IL17RD: variants seen among roughly 807,000 people sequenced by gnomAD.
IL17RD encodes the protein interleukin-17 receptor D.
IL17RD carries 52 observed loss-of-function variants against 80.5 expected under a neutral mutation model. That is an observed-to-expected ratio of 0.65 (90% CI 0.52 to 0.81). The LOEUF (loss-of-function observed/expected upper bound fraction) is 0.81, where lower values mean the gene tolerates loss of function less well. IL17RD is among the 40% of genes least tolerant of loss of function. The probability of loss-of-function intolerance (pLI) is 0.00; values close to 1 mark genes in which losing one functional copy is unlikely to be tolerated. For synonymous variants in IL17RD, 416 were observed against 391.8 expected, an observed-to-expected ratio of 1.06 and a Z score of -0.73; for missense variants, 1,024 against 955.1, an observed-to-expected ratio of 1.07 and a Z score of -0.95.
At chr3:57,125,831 G>A (rs1192477667) in intron 1 of IL17RD, among the ~76,000 whole-genome samples, 1 of 152,238 alleles carries the variant, frequency 6.6e-6, no homozygotes, top group Non-Finnish European at 1.5e-5. Flanking sequence ...TGAAGACAGA[G>A]TCGAGGAGGA....
At position 57,127,379 on chromosome 3, in the gene IL17RD, A is replaced by AT. The variant is rs1559477339; in HGVS notation, c.127-7067_127-7066insA. Among the ~76,000 whole-genome samples, 250 of 82,248 alleles carry AT rather than the reference A, an allele frequency of 3.0e-3. 24 individuals are homozygous for AT. In the South Asian group the frequency reaches 0.036, roughly 12 times the overall value. The allele number at this position is 82,248 out of a possible 152,430, so 54.0% of individuals were successfully genotyped here. A position where few individuals can be genotyped will look rare whatever the true frequency, so the allele number is the denominator to read the frequency against. ...ATATAAATATAAATATATATATATA[A>AT]ATAAATAAATAAATAAATATATATA... On this transcript the variant is annotated intron_variant, in intron 1 of 12. Coordinates refer to ENST00000296318, the MANE Select transcript of IL17RD (RefSeq NM_017563.5).
intron 7 of IL17RD, among the ~76,000 whole-genome samples, chr3:57,105,274 A>C (rs1473782042): frequency 6.6e-6 from 1 of 152,084 alleles, no homozygotes; most frequent in Non-Finnish European, 1.5e-5. Context: ...GTGGTGGCTC[A>C]GGCCTGTAAT....
At chr3:57,116,599 A>T (rs921438373) in intron 2 of IL17RD, among the ~76,000 whole-genome samples, 112 of 151,968 alleles carry the variant, frequency 7.4e-4, no homozygotes, top group Non-Finnish European at 2.4e-4. Context: ...TTTACATTTC[A>T]ATATTACTTC....
In IL17RD at chr3:57,102,555, C is replaced by A; in HGVS notation, c.903G>T (p.Val301=). ...TGACTACCAGTGGCACTGTGATGGC[C>A]ACGGCTCTGATGGGCCCGGCCCACG... The part of the protein sequence containing the change: ...HSPWAGPIRA[V]AITVPLVVIS... The change falls in exon 10 of 13, where the codon GTG becomes GTT. Residue 301 remains valine (V), a synonymous_variant. Transcript: ENST00000296318. The A allele has an allele frequency of 6.3e-7, 1 of 1,582,402 alleles. No homozygotes were observed. Among genetic ancestry groups the A allele is most frequent in the Non-Finnish European group, 8.6e-7 (1 of 1,156,104 alleles).
At position 57,096,226 on chromosome 3, in the gene IL17RD, T is replaced by C; in HGVS notation, c.*167A>G. On this transcript the variant is annotated 3_prime_UTR_variant, in exon 13 of 13. Transcript: ENST00000296318. ...GAAAATTGGAGAGTTTGTCAAGATA[T>C]CCGGTAAAGGGTTGGGGCAAGGGAG... 1 of 598,694 alleles carries C rather than the reference T, an allele frequency of 1.7e-6. No homozygotes were observed. The highest frequency in any genetic ancestry group is 3.1e-6 in the Non-Finnish European group (1 of 327,666). The allele number at this position is 598,694 out of a possible 1,614,324, so 37.1% of individuals were successfully genotyped here. A position where few individuals can be genotyped will look rare whatever the true frequency, so the allele number is the denominator to read the frequency against.
chr3:57,113,287 G>T (rs1368658099), intron 3 of IL17RD, among the ~76,000 whole-genome samples: 1 of 152,078 alleles, frequency 6.6e-6, no homozygotes, highest in Non-Finnish European at 1.5e-5. Flanking sequence ...GTCCAGGCTG[G>T]AGCGCAATGG....
rs1252831728 is a variant in IL17RD, at chr3:57,096,132, G to A, written c.*261C>T. ...CTCCCACAACAGGCTCTGATCCAAG[G>A]ACTAACCAAATTTGGCAAGCTGTTG... On this transcript the variant is annotated 3_prime_UTR_variant, in exon 13 of 13. Coordinates refer to ENST00000296318, the MANE Select transcript of IL17RD (RefSeq NM_017563.5). 2.2e-6 allele frequency: 1 copy of A among 463,320 alleles called. No homozygotes were observed. The highest frequency in any genetic ancestry group is 3.9e-6 in the Non-Finnish European group (1 of 254,304). The allele number at this position is 463,320 out of a possible 1,614,324, so 28.7% of individuals were successfully genotyped here. A position where few individuals can be genotyped will look rare whatever the true frequency, so the allele number is the denominator to read the frequency against.
At chr3:57,116,366 C>A (rs1400036858) in intron 2 of IL17RD, among the ~76,000 whole-genome samples, 3 of 149,896 alleles carry the variant, frequency 2.0e-5, no homozygotes, top group African/African-American at 7.4e-5. Context: ...TCATGGCAAC[C>A]TCTGCCTCCT....
At chr3:57,100,366 TCA>T (rs979268769) in intron 11 of IL17RD, among the ~76,000 whole-genome samples, 18 of 152,350 alleles carry the variant, frequency 1.2e-4, no homozygotes, top group African/African-American at 4.1e-4. Context: ...CAACTTCCAA[TCA>T]CACAGTTATT....
At chr3:57,103,508 G>C (rs766353486) in intron 8 of IL17RD, among the ~76,000 whole-genome samples, 1 of 152,184 alleles carries the variant, frequency 6.6e-6, no homozygotes, top group African/African-American at 2.4e-5. Flanking sequence ...TTAAGAAGGT[G>C]TATCAGTCAA....
chr3:57,112,876 A>G (rs1707130278), intron 3 of IL17RD, among the ~76,000 whole-genome samples: 1 of 152,210 alleles, frequency 6.6e-6, no homozygotes, highest in African/African-American at 2.4e-5. Context: ...GGCAGTGTCA[A>G]AGCGGCAGTC....
chr3:57,136,642 A>ACC, intron 1 of IL17RD, among the ~76,000 whole-genome samples: 1 of 50,430 alleles, frequency 2.0e-5, no homozygotes, highest in African/African-American at 1.7e-4. Context: ...ACCCCCACTC[A>ACC]AAAAAAAAAA....
intron 1 of IL17RD, among the ~76,000 whole-genome samples, chr3:57,146,301 C>A (rs1008355180): frequency 6.6e-6 from 1 of 152,140 alleles, no homozygotes; most frequent in Admixed American, 6.5e-5. Flanking sequence ...CTCTACTAAG[C>A]GACATTTCGC....
At chr3:57,105,042 A>G (rs1706922417) in intron 7 of IL17RD, among the ~76,000 whole-genome samples, 1 of 152,210 alleles carries the variant, frequency 6.6e-6, no homozygotes, top group Non-Finnish European at 1.5e-5. Flanking sequence ...CCACTGAGTT[A>G]TCAGTGGCTT....
rs79466678 is a variant in IL17RD, at chr3:57,115,699, G to C, written c.185-882C>G. ...GGAGAACCATTCACCATCCCCAGCA[G>C]GCACCACTTGTAATTCTTATGCTGC... On this transcript the variant is annotated intron_variant, in intron 2 of 12. Transcript: ENST00000296318. Among the ~76,000 whole-genome samples the C allele has an allele frequency of 8.9e-3, 1,354 of 152,268 alleles. 20 individuals carry two copies. Among genetic ancestry groups the C allele is most frequent in the African/African-American group, 0.031 (1,288 of 41,556 alleles).
intron 2 of IL17RD, 110 bp downstream of exon 2, chr3:57,120,146 T>G: frequency 1.2e-6 from 1 of 841,342 alleles, no homozygotes; most frequent in Non-Finnish European, 2.0e-6. Context: ...CTGAACAGGT[T>G]CAGAAAATTC....
intron 5 of IL17RD, among the ~76,000 whole-genome samples, chr3:57,107,358 G>A (rs991835188): frequency 3.2e-4 from 47 of 148,656 alleles, no homozygotes; most frequent in African/African-American, 1.2e-3. Context: ...CAGCCTGGGC[G>A]ACAGAGCGAA....
intron 1 of IL17RD, among the ~76,000 whole-genome samples, chr3:57,143,791 G>A (rs1192930430): frequency 6.6e-6 from 1 of 152,232 alleles, no homozygotes; most frequent in Non-Finnish European, 1.5e-5. Flanking sequence ...TCGGGTGGAA[G>A]AGACACACCC....
chr3:57,127,303 TAAAAATATATAAAA>T (rs1228259249), intron 1 of IL17RD, among the ~76,000 whole-genome samples: 1 of 87,588 alleles, frequency 1.1e-5, no homozygotes, highest in African/African-American at 6.1e-5. Flanking sequence ...TAAATATATA[TAAAAATATATAAAA>T]ATATATATAA....
Sources: gnomAD v4.1 joint callset for allele counts (sites outside exome capture counted in the v4.1 genomes callset) on GRCh38, gnomAD v4.1.1 for gene constraint, MANE v1.5 for transcripts, NCBI Gene and HGNC (gene_info 2026-07-23, HGNC 2026-07-21) for gene names.